The following FABP7 variants were observed in gnomAD, a reference collection of about 807,000 sequenced individuals.
FABP7 encodes the protein fatty acid binding protein 7.
Under a neutral mutation model 14.2 loss-of-function variants are expected in FABP7, and 13 were observed. That is an observed-to-expected ratio of 0.91 (90% CI 0.59 to 1.45). The LOEUF is 1.45. FABP7 is among the 40% of genes most tolerant of loss of function. The pLI is 0.00. For synonymous variants in FABP7, 49 were observed against 51.4 expected (o/e 0.95, Z 0.20); for missense variants, 149 against 157.6 (o/e 0.95, Z 0.29).
chr6:122,749,659 G>A, the FABP7 span, among the ~76,000 whole-genome samples: 24 of 152,172 alleles, frequency 1.6e-4, no homozygotes, highest in Non-Finnish European at 3.4e-4. Flanking sequence ...GTATTTAAAT[G>A]CCACAAATGT....
At chr6:122,773,360 C>T in the FABP7 span, among the ~76,000 whole-genome samples, 1 of 152,162 alleles carries the variant, frequency 6.6e-6, no homozygotes, top group Non-Finnish European at 1.5e-5. Flanking sequence ...CGCACTCAGT[C>T]CTCTTTTAGT....
At chr6:122,749,648 T>G in the FABP7 span, among the ~76,000 whole-genome samples, 1 of 152,312 alleles carries the variant, frequency 6.6e-6, no homozygotes, top group Admixed American at 6.5e-5. Flanking sequence ...AGAAGGCAGC[T>G]GTATTTAAAT....
chr6:122,769,226 A>G, the FABP7 span, among the ~76,000 whole-genome samples: 8 of 152,178 alleles, frequency 5.3e-5, no homozygotes, highest in Admixed American at 5.2e-4. Context: ...TGGACTTTCA[A>G]GGGAAATTCA....
chr6:122,781,664 G>A, intron 3 of FABP7: 4 of 1,025,848 alleles, frequency 3.9e-6, no homozygotes, highest in Non-Finnish European at 4.7e-6. Flanking sequence ...CAAGTTCTGG[G>A]CAGATAATTT....
At chr6:122,751,643 T>C in the FABP7 span, among the ~76,000 whole-genome samples, 2 of 152,222 alleles carry the variant, frequency 1.3e-5, no homozygotes, top group African/African-American at 4.8e-5. Flanking sequence ...GCACATTCTA[T>C]TATTATGCTC....
At chr6:122,764,119 C>T in the FABP7 span, among the ~76,000 whole-genome samples, 7 of 152,110 alleles carry the variant, frequency 4.6e-5, no homozygotes, top group African/African-American at 1.4e-4. Flanking sequence ...TTCACAATAG[C>T]GAAGACTTGG....
the FABP7 span, among the ~76,000 whole-genome samples, chr6:122,753,554 C>T: frequency 6.6e-6 from 1 of 152,112 alleles, no homozygotes; most frequent in Non-Finnish European, 1.5e-5. Context: ...GGATGAGCTC[C>T]TACACACAGT....
the FABP7 span, among the ~76,000 whole-genome samples, chr6:122,767,307 C>T: frequency 6.6e-6 from 1 of 151,802 alleles, no homozygotes; most frequent in Non-Finnish European, 1.5e-5. Flanking sequence ...AGAAGAGTAA[C>T]AAATTGGGAG....
At chr6:122,781,593 C>T (rs989457631) in intron 3 of FABP7, 3 of 1,172,238 alleles carry the variant, frequency 2.6e-6, no homozygotes, top group African/African-American at 3.2e-5. Flanking sequence ...AGACAGATGA[C>T]TTTATAGCTC....
At chr6:122,768,253 T>C in the FABP7 span, among the ~76,000 whole-genome samples, 76 of 152,272 alleles carry the variant, frequency 5.0e-4, no homozygotes, top group East Asian at 0.012. Flanking sequence ...GGTGAGAGTA[T>C]AAATTGGTGA....
At chr6:122,762,900 A>G in the FABP7 span, among the ~76,000 whole-genome samples, 3 of 152,320 alleles carry the variant, frequency 2.0e-5, no homozygotes, top group East Asian at 5.8e-4. Context: ...GAGGACAAAA[A>G]TGGAAGAACA....
intron 3 of FABP7, 84 bp from the exon 4 acceptor site, chr6:122,783,633 T>C: frequency 6.6e-7 from 1 of 1,510,114 alleles, no homozygotes. Flanking sequence ...TGCATAATAC[T>C]TAGATCACAT....
intron 3 of FABP7, 165 bp downstream of exon 3, chr6:122,781,359 C>A (rs1055306485): frequency 1.4e-6 from 2 of 1,460,962 alleles, no homozygotes; most frequent in Non-Finnish European, 9.1e-7. Context: ...ACAGGGGAAA[C>A]AAAAAGATCC....
At chr6:122,780,044 C>A (rs115196977) in intron 1 of FABP7, among the ~76,000 whole-genome samples, 177 bp downstream of exon 1, 1 of 152,194 alleles carries the variant, frequency 6.6e-6, no homozygotes, top group Non-Finnish European at 1.5e-5. Context: ...TGCTTGCCTT[C>A]TTACCCAGGG....
the FABP7 span, among the ~76,000 whole-genome samples, chr6:122,750,154 AC>A: frequency 2.0e-5 from 3 of 152,148 alleles, no homozygotes; most frequent in Non-Finnish European, 4.4e-5. Flanking sequence ...AATTTTAATA[AC>A]TAATGTTGAA....
chr6:122,770,573 G>T, the FABP7 span, among the ~76,000 whole-genome samples: 4 of 151,972 alleles, frequency 2.6e-5, no homozygotes, highest in Non-Finnish European at 5.9e-5. Context: ...AGTTAATAAG[G>T]CATTAAATGT....
At chr6:122,769,692 T>C in the FABP7 span, among the ~76,000 whole-genome samples, 4 of 152,208 alleles carry the variant, frequency 2.6e-5, no homozygotes. Flanking sequence ...ACTTACGAAA[T>C]GCTGGCATTT....
chr6:122,781,365 G>C, intron 3 of FABP7, 171 bp downstream of exon 3: 1 of 1,456,810 alleles, frequency 6.9e-7, no homozygotes, highest in Non-Finnish European at 9.1e-7. Context: ...GAAACAAAAA[G>C]ATCCCAGTTA....
At chr6:122,758,251 G>T in the FABP7 span, among the ~76,000 whole-genome samples, 1 of 151,928 alleles carries the variant, frequency 6.6e-6, no homozygotes, top group Admixed American at 6.6e-5. Flanking sequence ...GGGATTACAG[G>T]CATGTGTCAC....
Sources: allele counts gnomAD v4.1 joint callset (sites outside exome capture counted in the v4.1 genomes callset), GRCh38; gene constraint gnomAD v4.1.1; transcripts MANE v1.5; gene names NCBI Gene and HGNC (gene_info 2026-07-23, HGNC 2026-07-21).